Variants in BRD2 observed in about 807,000 individuals in gnomAD.
The protein encoded by BRD2 is bromodomain containing 2, also known as bromodomain-containing protein 2.
A neutral mutation model predicts 79.1 loss-of-function variants in BRD2; 15 were observed. The ratio of observed to expected loss-of-function variants is 0.19; its 90% CI spans 0.13 to 0.29. The LOEUF is 0.29. Ranked by LOEUF, BRD2 falls within the 10% of genes least tolerant of loss-of-function variation. The probability of loss-of-function intolerance (pLI) is 1.00; values close to 1 mark genes in which losing one functional copy is unlikely to be tolerated. For synonymous variants in BRD2, 488 were observed against 358.6 expected (o/e 1.36, Z -4.08); for missense variants, 1,053 against 991.3 (o/e 1.06, Z -0.84).
chr6:32,974,519 A>C lies in BRD2; in HGVS notation c.87A>C (p.Pro29=), dbSNP rs1778454975. 1 of 1,614,140 alleles carries C rather than the reference A, an allele frequency of 6.2e-7. No individual in the cohort carries two copies. Among genetic ancestry groups the C allele is most frequent in the Non-Finnish European group, 8.5e-7 (1 of 1,179,964 alleles). ...LLGLGPEAAA[P]GKRIRKPSLL... is the part of the protein sequence containing the mutation. ...GGCTGGGCCCAGAAGCAGCAGCACC[A>C]GGGAAGAGGATTCGAAAACCCTCTC... is the stretch of plus-strand genomic sequence containing the variant. The change falls in exon 3 of 13, where the codon CCA becomes CCC. Residue 29 remains proline, a synonymous_variant. Transcript: ENST00000374825.
chr6:32,976,625 G>C lies in BRD2; in HGVS notation c.889G>C (p.Gly297Arg), dbSNP rs1385881418. 1 of 1,611,428 alleles carries C rather than the reference G, an allele frequency of 6.2e-7. No individual in the cohort carries two copies. The highest frequency in any genetic ancestry group is 2.2e-5 in the East Asian group (1 of 44,890). The change falls in exon 7 of 13, where the codon GGT (glycine) becomes CGT (arginine). Residue 297 changes from glycine (G) to arginine (R), a missense_variant. By Grantham distance (125) the Gly-to-Arg change is moderately radical (BLOSUM62 -2). Coordinates refer to ENST00000374825, the MANE Select transcript of BRD2 (RefSeq NM_005104.4). ...TACACCTACAGCCATCTTGGCTCCT[G>C]GTTCTCCAGCTAGCCCTCCTGGGAG... ...TPTPTAILAP[G>R]SPASPPGSLE... is the part of the protein sequence containing the mutation.
rs200164898 is a variant in BRD2, at chr6:32,980,603, C to T, written c.2291C>T (p.Ser764Phe). The change falls in exon 13 of 13, where the codon TCC (serine) becomes TTC (phenylalanine). Residue 764 changes from serine to phenylalanine, a missense_variant. Physicochemically the swap from Ser to Phe is radical, Grantham distance 155. Around this residue, in one of 5 missense-constraint regions of BRD2, gnomAD observed 139 missense variants for 133.2 expected, o/e 1.04. Transcript: ENST00000374825. Reference sequence around the variant, plus strand: ...GCAGCGAATGAGAAAACAGAGTCATCCTCTGCACAGCAAGTAGCAGTGTCA... The same window carrying T: ...GCAGCGAATGAGAAAACAGAGTCATTCTCTGCACAGCAAGTAGCAGTGTCA... ...PKKANEKTESSSAQQVAVSRL... is the reference protein window; with the variant it reads ...PKKANEKTESFSAQQVAVSRL... The T allele has an allele frequency of 1.4e-5, 23 of 1,610,240 alleles. No homozygotes were observed. The highest frequency in any genetic ancestry group is 1.7e-5 in the Non-Finnish European group (20 of 1,177,834).
At chr6:32,973,157 GC>G (rs1377230330) in intron 2 of BRD2, 3 of 1,545,620 alleles carry the variant, frequency 1.9e-6, no homozygotes, top group Non-Finnish European at 2.6e-6. Context: ...TATTAATGCC[GC>G]CGTGGCCCAG....
At position 32,971,922 on chromosome 6, in the gene BRD2, G is replaced by T; in HGVS notation, c.-977G>T. On this transcript the variant is annotated 5_prime_UTR_variant, in exon 2 of 13. Coordinates refer to ENST00000374825, the MANE Select transcript of BRD2 (RefSeq NM_005104.4). The stretch of plus-strand genomic sequence containing the variant: ...GCTCAGCCAATTGGCTTGGAGATGT[G>T]GCGGGTTGCCACTTCCCTGTGGGTC... 2.8e-6 allele frequency: 2 copies of T among 702,550 alleles called. No homozygotes were observed. Among genetic ancestry groups the T allele is most frequent in the Non-Finnish European group, 5.2e-6 (2 of 384,714 alleles). 43.5% of individuals were successfully genotyped at this position (702,550 alleles called of 1,614,324 possible). A position where few individuals can be genotyped will look rare whatever the true frequency, so the allele number is the denominator to read the frequency against.
intron 1 of BRD2, chr6:32,970,846 CCCT>C (rs1275813329): frequency 6.6e-6 from 1 of 152,228 alleles, no homozygotes; most frequent in Non-Finnish European, 1.5e-5. Flanking sequence ...TGGCTCCTGC[CCCT>C]CCTCGGAGGC....
Position 32,976,888 on chromosome 6 carries a change from T to A in BRD2, c.1152T>A (p.His384Gln). 10 of 1,613,068 alleles carry A rather than the reference T, an allele frequency of 6.2e-6. No individual in the cohort carries two copies. Among genetic ancestry groups the A allele is most frequent in the Non-Finnish European group, 8.5e-6 (10 of 1,179,998 alleles). ...KPVDASALGLHDYHDIIKHPM... is the reference protein window; with the variant it reads ...KPVDASALGLQDYHDIIKHPM... ...TGGATGCTTCTGCACTTGGCCTGCA[T>A]GACTACCATGACATCATTAAGCACC... The change falls in exon 7 of 13, where the codon CAT becomes CAA. Residue 384 changes from histidine to glutamine, a missense_variant. Physicochemically the swap from His to Gln is conservative, Grantham distance 24. Transcript: ENST00000374825.
At position 32,969,013 on chromosome 6, in the gene BRD2, C is replaced by T; in HGVS notation, c.-1348C>T. On this transcript the variant is annotated 5_prime_UTR_variant, in exon 1 of 13. Coordinates refer to ENST00000374825, the MANE Select transcript of BRD2 (RefSeq NM_005104.4). ...CCCGGATTACATACCCCGTACCAAG[C>T]CGAGGGCAACTTTGGAGGCCCCCTG... The T allele has an allele frequency of 2.9e-6, 1 of 346,376 alleles. No individual in the cohort carries two copies. The highest frequency in any genetic ancestry group is 5.3e-6 in the Non-Finnish European group (1 of 187,602). The allele number at this position is 346,376 out of a possible 1,614,324, so 21.5% of individuals were successfully genotyped here.
intron 1 of BRD2, among the ~76,000 whole-genome samples, chr6:32,969,681 G>A (rs1777772927): frequency 1.3e-5 from 2 of 152,328 alleles, no homozygotes; most frequent in South Asian, 4.1e-4. Flanking sequence ...TACTGAGCAC[G>A]TGTCTACTCC....
At position 32,972,727 on chromosome 6, in the gene BRD2, G is replaced by T; in HGVS notation, c.-172G>T. ...CCAAGCTGCCCGGAGCTCTCCGAGA[G>T]GCCCCAAAGAGACTGCTTTCGTGCC... On this transcript the variant is annotated 5_prime_UTR_variant, in exon 2 of 13. The change creates a new upstream start codon in the 5' untranslated region. Transcript: ENST00000374825. 5 of 937,194 alleles carry T rather than the reference G, an allele frequency of 5.3e-6. No homozygotes were observed. The highest frequency in any genetic ancestry group is 1.6e-5 in the African/African-American group (1 of 61,172). The allele number at this position is 937,194 out of a possible 1,614,324, so 58.1% of individuals were successfully genotyped here. A position where few individuals can be genotyped will look rare whatever the true frequency, so the allele number is the denominator to read the frequency against.
chr6:32,974,211 AAG>A lies in BRD2; in HGVS notation c.30-249_30-248del, dbSNP rs538401539. 2.6e-5 allele frequency among the ~76,000 whole-genome samples: 4 copies of A among 152,326 alleles called. No homozygotes were observed. The East Asian group carries it at 7.7e-4, about 29-fold the overall frequency. On this transcript the variant is annotated intron_variant, in intron 2 of 12. Coordinates refer to ENST00000374825, the MANE Select transcript of BRD2 (RefSeq NM_005104.4). Reference sequence around the variant, plus strand: ...TTTGGGAGTTTTTTAAAATATGAAAAAGAACAGATAGAGCCTATCAGACTTAA... The same window carrying A: ...TTTGGGAGTTTTTTAAAATATGAAAAAACAGATAGAGCCTATCAGACTTAA...
At chr6:32,975,743 G>A (rs374188522) in intron 4 of BRD2, among the ~76,000 whole-genome samples, 3 of 152,330 alleles carry the variant, frequency 2.0e-5, no homozygotes, top group African/African-American at 4.8e-5. Flanking sequence ...TCATACTTGG[G>A]GGTGGTGGTC....
chr6:32,969,942 G>C (rs2127496492), intron 1 of BRD2, among the ~76,000 whole-genome samples: 1 of 152,310 alleles, frequency 6.6e-6, no homozygotes, highest in Middle Eastern at 3.4e-3. Flanking sequence ...GGAACGGAAA[G>C]GAGGAAAGAG....
At position 32,978,019 on chromosome 6, in the gene BRD2, C is replaced by G; in HGVS notation, c.1578+14C>G. 1 of 1,607,322 alleles carries G rather than the reference C, an allele frequency of 6.2e-7. No homozygotes were observed. Among genetic ancestry groups the G allele is most frequent in the Non-Finnish European group, 8.5e-7 (1 of 1,178,268 alleles). ...CTACAGGAACAGGTATTTTGTCACT[C>G]TTGAAAGTTTTTATTGGGTAAGAGG... On this transcript the variant is annotated intron_variant, in intron 9 of 12. Coordinates refer to ENST00000374825, the MANE Select transcript of BRD2 (RefSeq NM_005104.4).
chr6:32,972,235 G>C lies in BRD2; in HGVS notation c.-664G>C. ...TGGAGTGGAGCAGCCTCTAGAACGA[G>C]CTGGAGGATTCTGCCTACCGATACA... On this transcript the variant is annotated 5_prime_UTR_variant, in exon 2 of 13. Coordinates refer to ENST00000374825, the MANE Select transcript of BRD2 (RefSeq NM_005104.4). 1 of 490,246 alleles carries C rather than the reference G, an allele frequency of 2.0e-6. No individual in the cohort carries two copies. Among genetic ancestry groups the C allele is most frequent in the South Asian group, 2.0e-5 (1 of 50,014 alleles). The allele number at this position is 490,246 out of a possible 1,614,324, so 30.4% of individuals were successfully genotyped here. A position where few individuals can be genotyped will look rare whatever the true frequency, so the allele number is the denominator to read the frequency against.
chr6:32,978,197 G>T lies in BRD2; in HGVS notation c.1650G>T (p.Glu550Asp), dbSNP rs3189517. Residue 550 changes from glutamate (E) to aspartate (D), a missense_variant, in exon 10 of 13, where the codon GAG becomes GAT. Glu to Asp is a conservative substitution (Grantham distance 45). Coordinates refer to ENST00000374825, the MANE Select transcript of BRD2 (RefSeq NM_005104.4). ...TATCCAAGCCCAAGAGGAAAAGAGAGAAAAAAGAGAAAAAGAAGAAACGGA... is the reference window on the plus strand; with the variant it reads ...TATCCAAGCCCAAGAGGAAAAGAGATAAAAAAGAGAAAAAGAAGAAACGGA... The part of the protein sequence containing the change: ...GPISKPKRKR[E>D]KKEKKKKRKA... The T allele has an allele frequency of 6.2e-7, 1 of 1,612,844 alleles. No individual in the cohort carries two copies. Among genetic ancestry groups the T allele is most frequent in the East Asian group, 2.2e-5 (1 of 44,886 alleles).
In BRD2 at chr6:32,969,310, C is replaced by G. The variant is rs1413884027; in HGVS notation, c.-1305+254C>G. The G allele has an allele frequency of 8.4e-6, 6 of 716,574 alleles. No homozygotes were observed. In the East Asian group the frequency reaches 1.3e-4, roughly 16 times the overall value. 44.4% of individuals were successfully genotyped at this position (716,574 alleles called of 1,614,324 possible). A position where few individuals can be genotyped will look rare whatever the true frequency, so the allele number is the denominator to read the frequency against. ...GGGGTTAGGGGGCGGTGTGGCCCCC[C>G]CTATTCCATTCGTCCCCTGGGGGTA... On this transcript the variant is annotated intron_variant, in intron 1 of 12. Coordinates refer to ENST00000374825, the MANE Select transcript of BRD2 (RefSeq NM_005104.4).
intron 1 of BRD2, chr6:32,971,060 G>C (rs1777909704): frequency 6.6e-6 from 1 of 151,936 alleles, no homozygotes; most frequent in African/African-American, 2.4e-5. Flanking sequence ...ATACGGGTGT[G>C]CCTTTGGGGG....
At chr6:32,975,888 AATTTT>A in intron 4 of BRD2, 138 bp from the exon 5 acceptor site, 1 of 1,046,254 alleles carries the variant, frequency 9.6e-7, no homozygotes, top group Non-Finnish European at 1.3e-6. Context: ...TGGAGTAGGA[AATTTT>A]CTTTAAGATT....
intron 3 of BRD2, 48 bp downstream of exon 3, chr6:32,974,813 C>A: frequency 6.3e-7 from 1 of 1,585,534 alleles, no homozygotes; most frequent in South Asian, 1.1e-5. Context: ...AGCAAGAATG[C>A]GTGTGAATGG....
Sources: gnomAD v4.1 joint callset for allele counts (sites outside exome capture counted in the v4.1 genomes callset) on GRCh38, gnomAD v4.1.1 for gene constraint, gnomAD v4.1.1 regional missense constraint, MANE v1.5 for transcripts, NCBI Gene and HGNC (gene_info 2026-07-23, HGNC 2026-07-21) for gene names.